The following ZNF891 variants were observed in gnomAD, a reference collection of about 807,000 sequenced individuals.
The protein encoded by ZNF891 is zinc finger protein 891.
For synonymous variants in ZNF891, 199 were observed against 209.0 expected, an observed-to-expected ratio of 0.95 and a Z score of 0.41; for missense variants, 589 against 632.7, an observed-to-expected ratio of 0.93 and a Z score of 0.74.
At chr12:133,125,068 C>T (rs904037864) in intron 1 of ZNF891, among the ~76,000 whole-genome samples, 21 of 152,132 alleles carry the variant, frequency 1.4e-4, no homozygotes, top group Non-Finnish European at 2.9e-4. Context: ...AAAAACCATA[C>T]AGACTTCAAA....
rs55957232 is a variant in ZNF891, at chr12:133,120,168, A to G, written c.*116T>C. Reference sequence around the variant, plus strand: ...AATTAGTATTTACAGAAAATGTTATATTAAAAAAAGAGCCATTTGTAACCT... The same window carrying G: ...AATTAGTATTTACAGAAAATGTTATGTTAAAAAAAGAGCCATTTGTAACCT... On this transcript the variant is annotated 3_prime_UTR_variant, in exon 2 of 2. Coordinates refer to ENST00000537226, the MANE Select transcript of ZNF891 (RefSeq NM_001277291.2). The G allele has an allele frequency of 0.27, 208,710 of 785,314 alleles. 30,609 individuals carry two copies. Among genetic ancestry groups the G allele is most frequent in the Non-Finnish European group, 0.3 (158,415 of 527,056 alleles). 48.6% of individuals were successfully genotyped at this position (785,314 alleles called of 1,614,324 possible).
rs145183018 is a variant in ZNF891, at chr12:133,106,114, T to C, written c.*14170A>G. 8.7e-6 allele frequency: 14 copies of C among 1,614,132 alleles called. No individual in the cohort carries two copies. In the African/African-American group the frequency reaches 1.6e-4, roughly 18 times the overall value. ...AACAATATATATGTAGGAAATGTGG[T>C]AAAGCATTTAGCAGTGGCTCAGAAC... is the stretch of plus-strand genomic sequence containing the variant. On this transcript the variant is annotated 3_prime_UTR_variant, in exon 2 of 2. Coordinates refer to ENST00000537226, the MANE Select transcript of ZNF891 (RefSeq NM_001277291.2).
chr12:133,128,369 C>T (rs1409300388), intron 1 of ZNF891, among the ~76,000 whole-genome samples: 1 of 152,174 alleles, frequency 6.6e-6, no homozygotes, highest in East Asian at 1.9e-4. Flanking sequence ...CGGTGGCTCA[C>T]GCCTGTAATC....
In ZNF891 at chr12:133,106,756, G is replaced by A. The variant is rs771892794; in HGVS notation, c.*13528C>T. On this transcript the variant is annotated 3_prime_UTR_variant, in exon 2 of 2. Coordinates refer to ENST00000537226, the MANE Select transcript of ZNF891 (RefSeq NM_001277291.2). ...GAAAGAAGCCTTATGTGAAAGTGAT[G>A]ACTGTGAAGTAATATGGCCCACACT... 204 of 1,074,206 alleles carry A rather than the reference G, an allele frequency of 1.9e-4. No individual in the cohort carries two copies. Among genetic ancestry groups the A allele is most frequent in the Non-Finnish European group, 2.4e-4 (185 of 770,246 alleles). 66.5% of individuals were successfully genotyped at this position (1,074,206 alleles called of 1,614,324 possible). A position where few individuals can be genotyped will look rare whatever the true frequency, so the allele number is the denominator to read the frequency against.
chr12:133,129,457 C>T (rs1460279123), intron 1 of ZNF891, among the ~76,000 whole-genome samples: 1 of 148,528 alleles, frequency 6.7e-6, no homozygotes, highest in Admixed American at 6.8e-5. Flanking sequence ...GCCAAGATGG[C>T]GCCATTGCAC....
rs1955560996 is a variant in ZNF891, at chr12:133,105,541, T to C, written c.*14743A>G. ...AGTCAAGTGGTGAGATCAAAGACTTTTCACCAAAAAATGTCATTTATGATG... is the reference window on the plus strand; with the variant it reads ...AGTCAAGTGGTGAGATCAAAGACTTCTCACCAAAAAATGTCATTTATGATG... On this transcript the variant is annotated 3_prime_UTR_variant, in exon 2 of 2. Coordinates refer to ENST00000537226, the MANE Select transcript of ZNF891 (RefSeq NM_001277291.2). 2 of 1,610,054 alleles carry C rather than the reference T, an allele frequency of 1.2e-6. No homozygotes were observed. The highest frequency in any genetic ancestry group is 1.1e-5 in the South Asian group (1 of 90,138).
rs1955621996 is a variant in ZNF891 at position 133,106,942 on chromosome 12, C to T, written c.*13342G>A. The stretch of plus-strand genomic sequence containing the variant: ...GACTTCATTTGGTAGGAGTCCCTTA[C>T]TTTACGTGTGTAAATTCCTACCAGG... On this transcript the variant is annotated 3_prime_UTR_variant, in exon 2 of 2. Transcript: ENST00000537226. 8.6e-6 allele frequency: 2 copies of T among 231,510 alleles called. No individual in the cohort carries two copies. The highest frequency in any genetic ancestry group is 1.8e-4 in the South Asian group (2 of 10,948). The allele number at this position is 231,510 out of a possible 1,614,324, so 14.3% of individuals were successfully genotyped here.
Position 133,107,524 on chromosome 12 carries a change from C to T in ZNF891, c.*12760G>A, listed in dbSNP as rs768065638. The T allele has an allele frequency of 4.1e-5, 6 of 144,664 alleles. No individual in the cohort carries two copies. In the East Asian group the frequency reaches 1.2e-3, roughly 29 times the overall value. The allele number at this position is 144,664 out of a possible 1,614,324, so 9.0% of individuals were successfully genotyped here. ...TAAACAGTAGTTTTTCTTGTTGAAA[C>T]ATACAAACATAACAAAGTGTTTTTA... is the stretch of plus-strand genomic sequence containing the variant. On this transcript the variant is annotated 3_prime_UTR_variant, in exon 2 of 2. Transcript: ENST00000537226.
At position 133,120,897 on chromosome 12, in the gene ZNF891, C is replaced by T. The variant is rs1441078957; in HGVS notation, c.1022G>A (p.Ser341Asn). 1.9e-5 allele frequency: 30 copies of T among 1,538,766 alleles called. No individual in the cohort carries two copies. Among genetic ancestry groups the T allele is most frequent in the Non-Finnish European group, 2.4e-5 (28 of 1,146,958 alleles). ...RISNLTLYKK[S>N]HMGEKQYECK... ...TTCATATTGTTTCTCACCCATGTGA[C>T]TTTTCTTGTATAAAGTAAGATTAGA... Residue 341 changes from serine to asparagine, a missense_variant, in exon 2 of 2, where the codon AGT becomes AAT. Physicochemically the swap from Ser to Asn is conservative, Grantham distance 46 (BLOSUM62 1). Coordinates refer to ENST00000537226, the MANE Select transcript of ZNF891 (RefSeq NM_001277291.2).
rs1247720460 is a variant in ZNF891 at position 133,105,084 on chromosome 12, T to C, written c.*15200A>G. On this transcript the variant is annotated 3_prime_UTR_variant, in exon 2 of 2. Transcript: ENST00000537226. ...CCGCTTTTTTTTTCATTTAGATTATTATAAGATGTTCCAGAGGCACTAAGT... is the reference window on the plus strand; with the variant it reads ...CCGCTTTTTTTTTCATTTAGATTATCATAAGATGTTCCAGAGGCACTAAGT... Among the ~76,000 whole-genome samples, 1 of 152,334 alleles carries C rather than the reference T, an allele frequency of 6.6e-6. No homozygotes were observed. Among genetic ancestry groups the C allele is most frequent in the East Asian group, 1.9e-4 (1 of 5,186 alleles).
intron 1 of ZNF891, among the ~76,000 whole-genome samples, chr12:133,129,161 T>G (rs1367624187): frequency 1.3e-5 from 2 of 152,150 alleles, no homozygotes; most frequent in African/African-American, 4.8e-5. Context: ...GAAAGGTATC[T>G]AAAACAGAAT....
In ZNF891 at chr12:133,115,455, G is replaced by T; in HGVS notation, c.*4829C>A. 7.6e-6 allele frequency: 1 copy of T among 132,388 alleles called. No individual in the cohort carries two copies. The highest frequency in any genetic ancestry group is 2.6e-4 in the South Asian group (1 of 3,826). 8.2% of individuals were successfully genotyped at this position (132,388 alleles called of 1,614,324 possible). A position where few individuals can be genotyped will look rare whatever the true frequency, so the allele number is the denominator to read the frequency against. Reference sequence around the variant, plus strand: ...AGGTATAACTCAATTTTTATAAAATGTTTGTATGTACATAAAGTCTGACAG... The same window carrying T: ...AGGTATAACTCAATTTTTATAAAATTTTTGTATGTACATAAAGTCTGACAG... On this transcript the variant is annotated 3_prime_UTR_variant, in exon 2 of 2. Transcript: ENST00000537226.
chr12:133,129,386 G>A (rs954795873), intron 1 of ZNF891, among the ~76,000 whole-genome samples: 26 of 151,530 alleles, frequency 1.7e-4, no homozygotes, highest in African/African-American at 5.6e-4. Context: ...CTGTAATCCC[G>A]GCAACTCACA....
chr12:133,121,733 A>G lies in ZNF891; in HGVS notation c.186T>C (p.Ser62=). The change falls in exon 2 of 2, where the codon TCT becomes TCC. Residue 62 remains serine (S), a synonymous_variant. Coordinates refer to ENST00000537226, the MANE Select transcript of ZNF891 (RefSeq NM_001277291.2). ...FTQEEWMMLD[S]AQRSLYRDVM... ...CATCTCTGTACAGACTTCTTTGAGC[A>G]GAATCCAGCATCATCCACTCCTCCT... The G allele has an allele frequency of 6.5e-7, 1 of 1,536,806 alleles. No individual in the cohort carries two copies. The highest frequency in any genetic ancestry group is 8.7e-7 in the Non-Finnish European group (1 of 1,146,988).
At position 133,121,140 on chromosome 12, in the gene ZNF891, T is replaced by C. The variant is rs1468896222; in HGVS notation, c.779A>G (p.Asn260Ser). The C allele has an allele frequency of 1.3e-6, 2 of 1,535,238 alleles. No individual in the cohort carries two copies. The highest frequency in any genetic ancestry group is 1.7e-6 in the Non-Finnish European group (2 of 1,146,680). Residue 260 changes from asparagine to serine, a missense_variant, in exon 2 of 2, where the codon AAT (asparagine) becomes AGT (serine). Physicochemically the swap from Asn to Ser is conservative, Grantham distance 46. Transcript: ENST00000537226. ...CDTTLWHFQR[N>S]QTVQKEYTYS... Reference sequence around the variant, plus strand: ...TGTGTACTCTTTTTGTACTGTTTGATTTCTCTGAAAATGCCATAGAGTTGT... The same window carrying C: ...TGTGTACTCTTTTTGTACTGTTTGACTTCTCTGAAAATGCCATAGAGTTGT...
chr12:133,122,521 G>A (rs1463234547), intron 1 of ZNF891, among the ~76,000 whole-genome samples: 2 of 152,164 alleles, frequency 1.3e-5, no homozygotes, highest in East Asian at 3.9e-4. Flanking sequence ...AGGTGTATAT[G>A]TGACTTTGAA....
At position 133,121,928 on chromosome 12, in the gene ZNF891, A is replaced by G. The variant is rs927764030; in HGVS notation, c.-10T>C. 2.0e-6 allele frequency: 3 copies of G among 1,526,952 alleles called. No individual in the cohort carries two copies. Among genetic ancestry groups the G allele is most frequent in the South Asian group, 2.4e-5 (2 of 82,206 alleles). 94.6% of individuals were successfully genotyped at this position (1,526,952 alleles called of 1,614,324 possible). On this transcript the variant is annotated 5_prime_UTR_variant, in exon 2 of 2. Transcript: ENST00000537226. ...GGTCCATAACTGCCATTTTATGAGTACATAAGCCTGCACAGTAGAGTAGAG... is the reference window on the plus strand; with the variant it reads ...GGTCCATAACTGCCATTTTATGAGTGCATAAGCCTGCACAGTAGAGTAGAG...
chr12:133,122,787 A>T (rs923674439), intron 1 of ZNF891, among the ~76,000 whole-genome samples: 5 of 152,162 alleles, frequency 3.3e-5, no homozygotes, highest in African/African-American at 9.7e-5. Flanking sequence ...TCCCTCCCCA[A>T]AGTCCATATT....
Position 133,119,454 on chromosome 12 carries a change from A to T in ZNF891, c.*830T>A, listed in dbSNP as rs1300954917. ...GCTACTCAGGAGGCTGAGGCAGGAG[A>T]ATCACCTGAACCTGGGAGGTGGAGG... is the stretch of plus-strand genomic sequence containing the variant. On this transcript the variant is annotated 3_prime_UTR_variant, in exon 2 of 2. Coordinates refer to ENST00000537226, the MANE Select transcript of ZNF891 (RefSeq NM_001277291.2). The T allele has an allele frequency of 6.6e-6, 1 of 152,296 alleles. No individual in the cohort carries two copies. Among genetic ancestry groups the T allele is most frequent in the Non-Finnish European group, 1.5e-5 (1 of 68,138 alleles). 9.4% of individuals were successfully genotyped at this position (152,296 alleles called of 1,614,324 possible). A position where few individuals can be genotyped will look rare whatever the true frequency, so the allele number is the denominator to read the frequency against.
Sources: gnomAD v4.1 joint callset for allele counts (sites outside exome capture counted in the v4.1 genomes callset) on GRCh38, gnomAD v4.1.1 for gene constraint, MANE v1.5 for transcripts, NCBI Gene and HGNC (gene_info 2026-07-23, HGNC 2026-07-21) for gene names.